GAS7: variants seen among roughly 807,000 people sequenced by gnomAD.
GAS7 encodes the protein growth arrest-specific protein 7.
A neutral mutation model predicts 71.1 loss-of-function variants in GAS7; 28 were observed. The ratio of observed to expected loss-of-function variants is 0.39; its 90% CI spans 0.29 to 0.54. The LOEUF is 0.54. Ranked by LOEUF, GAS7 falls within the 20% of genes least tolerant of loss-of-function variation. GAS7 has a pLI of 0.62. For missense variants in GAS7, 436 were observed against 627.8 expected, an observed-to-expected ratio of 0.69 and a Z score of 3.27; for synonymous variants, 258 against 245.8, an observed-to-expected ratio of 1.05 and a Z score of -0.46.
chr17:10,014,096 C>G (rs2071895788), intron 2 of GAS7, among the ~76,000 whole-genome samples: 1 of 152,170 alleles, frequency 6.6e-6, no homozygotes, highest in Non-Finnish European at 1.5e-5. Flanking sequence ...CAGAACGCAC[C>G]CCAGGGAACC....
intron 1 of GAS7, among the ~76,000 whole-genome samples, chr17:10,166,222 C>A (rs2074292987): frequency 6.6e-6 from 1 of 152,076 alleles, no homozygotes; most frequent in Non-Finnish European, 1.5e-5. Flanking sequence ...CAGGGTCTCA[C>A]TACGTTGCCC....
At chr17:10,098,142 C>T (rs1224348593) in intron 1 of GAS7, among the ~76,000 whole-genome samples, 1 of 152,192 alleles carries the variant, frequency 6.6e-6, no homozygotes, top group Non-Finnish European at 1.5e-5. Context: ...CCCCCATTCA[C>T]CTTATGCCAC....
intron 5 of GAS7, among the ~76,000 whole-genome samples, chr17:9,955,522 G>A (rs2069196061): frequency 6.6e-6 from 1 of 152,218 alleles, no homozygotes; most frequent in Admixed American, 6.5e-5. Flanking sequence ...TACAGATAAG[G>A]AAACTGAGGC....
rs149588577 is a variant in GAS7, at chr17:9,988,949, C to T, written c.305-7065G>A. ...CTGCAAGCTCCGCCTCCCAGGTTCC[C>T]GCCATTCTCCTGCCTCAGCCTCCTG... On this transcript the variant is annotated intron_variant, in intron 2 of 13. Transcript: ENST00000432992. 1.1e-3 allele frequency among the ~76,000 whole-genome samples: 166 copies of T among 151,748 alleles called. 3 individuals carry two copies. In the East Asian group the frequency reaches 0.017, roughly 15 times the overall value.
At chr17:10,102,751 G>GTT (rs142011191) in intron 1 of GAS7, among the ~76,000 whole-genome samples, 17 of 144,642 alleles carry the variant, frequency 1.2e-4, no homozygotes, top group East Asian at 4.1e-4. Flanking sequence ...CCCAGGCCCT[G>GTT]TTTTTTTTTT....
chr17:10,122,395 T>G (rs2073911921), intron 1 of GAS7, among the ~76,000 whole-genome samples: 1 of 152,214 alleles, frequency 6.6e-6, no homozygotes. Flanking sequence ...TCTAGGCACT[T>G]TCCCAGTCAG....
Position 10,178,925 on chromosome 17 carries a change from G to A in GAS7, c.183+19283C>T, listed in dbSNP as rs72810939. ...CTACAACCACCACCTTGGAGGATCC[G>A]ATTATACGGCCAGGACAGACAGGTG... On this transcript the variant is annotated intron_variant, in intron 1 of 13. Coordinates refer to ENST00000432992, the MANE Select transcript of GAS7 (RefSeq NM_201433.2). Among the ~76,000 whole-genome samples, 771 of 151,948 alleles carry A rather than the reference G, an allele frequency of 5.1e-3. 4 individuals carry two copies. Among genetic ancestry groups the A allele is most frequent in the Non-Finnish European group, 8.5e-3 (576 of 67,954 alleles).
At chr17:9,930,517 TG>T (rs1319566157) in intron 9 of GAS7, among the ~76,000 whole-genome samples, 2 of 152,246 alleles carry the variant, frequency 1.3e-5, no homozygotes, top group Non-Finnish European at 2.9e-5. Flanking sequence ...GAAGGAATTC[TG>T]CTCTTCTCCC....
rs142513546 is a variant in GAS7, at chr17:10,165,806, G to A, written c.183+32402C>T. ...CTGGAGGAAAGCCAGTGGCTCTCAG[G>A]ATCTGGAAACGGGACACTTGTGTGC... On this transcript the variant is annotated intron_variant, in intron 1 of 13. Transcript: ENST00000432992. Among the ~76,000 whole-genome samples, 123 of 152,188 alleles carry A rather than the reference G, an allele frequency of 8.1e-4. 1 individual carries two copies. Among genetic ancestry groups the A allele is most frequent in the African/African-American group, 2.8e-3 (116 of 41,532 alleles).
At chr17:10,159,129 C>A (rs12945085) in intron 1 of GAS7, among the ~76,000 whole-genome samples, 3 of 139,888 alleles carry the variant, frequency 2.1e-5, no homozygotes, top group Non-Finnish European at 4.6e-5. Flanking sequence ...ATGTGAGACC[C>A]CTACACGTTC....
intron 1 of GAS7, among the ~76,000 whole-genome samples, chr17:10,032,299 G>C (rs1218660203): frequency 6.6e-6 from 1 of 152,082 alleles, no homozygotes; most frequent in Non-Finnish European, 1.5e-5. Context: ...GATTAACAGA[G>C]ACATTTTATT....
intron 1 of GAS7, among the ~76,000 whole-genome samples, chr17:10,115,270 G>C (rs1489559754): frequency 6.6e-6 from 1 of 152,256 alleles, no homozygotes; most frequent in African/African-American, 2.4e-5. Context: ...GCAGAGGGAA[G>C]GACCAGGGAC....
intron 1 of GAS7, among the ~76,000 whole-genome samples, chr17:10,116,172 G>C (rs1276011602): frequency 1.3e-5 from 2 of 152,148 alleles, no homozygotes; most frequent in African/African-American, 4.8e-5. Flanking sequence ...TTAGCCGAGT[G>C]TGGTGGCGTG....
intron 1 of GAS7, among the ~76,000 whole-genome samples, chr17:10,045,739 A>C (rs893172029): frequency 1.3e-5 from 2 of 152,206 alleles, no homozygotes; most frequent in Admixed American, 1.3e-4. Context: ...CAGAAACGGC[A>C]CCCAGTTGAA....
intron 10 of GAS7, among the ~76,000 whole-genome samples, chr17:9,925,893 G>A (rs896776696): frequency 2.0e-5 from 3 of 152,138 alleles, no homozygotes; most frequent in African/African-American, 7.2e-5. Flanking sequence ...GACCTAGGCA[G>A]TCCTAAAGTC....
At position 10,034,315 on chromosome 17, in the gene GAS7, C is replaced by CTTTTT; in HGVS notation, c.184-14423_184-14419dup. Reference sequence around the variant, plus strand: ...ATATATAGCCTAATACTTAATAATTCTTTTTTTTTTTTTTAGACAGTCTTG... The same window carrying CTTTTT: ...ATATATAGCCTAATACTTAATAATTCTTTTTTTTTTTTTTTTTTTAGACAGTCTTG... On this transcript the variant is annotated intron_variant, in intron 1 of 13. Transcript: ENST00000432992. The surrounding 1 kb of genome is among the most constrained non-coding windows in gnomAD (Gnocchi z 4.4). The CTTTTT allele has an allele frequency of 2.0e-6, 1 of 488,584 alleles. No homozygotes were observed. Among genetic ancestry groups the CTTTTT allele is most frequent in the Non-Finnish European group, 2.6e-6 (1 of 380,406 alleles). 30.3% of individuals were successfully genotyped at this position (488,584 alleles called of 1,614,324 possible). A position where few individuals can be genotyped will look rare whatever the true frequency, so the allele number is the denominator to read the frequency against.
At chr17:10,114,257 A>C (rs550758520) in intron 1 of GAS7, among the ~76,000 whole-genome samples, 3 of 152,230 alleles carry the variant, frequency 2.0e-5, no homozygotes, top group East Asian at 1.9e-4. Flanking sequence ...ACTGGGAAGG[A>C]AGCCAGTGCC....
intron 1 of GAS7, among the ~76,000 whole-genome samples, chr17:10,130,099 G>A (rs2073984369): frequency 6.6e-6 from 1 of 151,690 alleles, no homozygotes; most frequent in Non-Finnish European, 1.5e-5. Context: ...GACCCGGGAG[G>A]TGGAGGTTGC....
chr17:10,139,942 T>C (rs1184108278), intron 1 of GAS7, among the ~76,000 whole-genome samples: 1 of 152,168 alleles, frequency 6.6e-6, no homozygotes, highest in Admixed American at 6.5e-5. Flanking sequence ...GGGCCCCAGA[T>C]TCTGCAGGAT....
Sources: gnomAD v4.1 joint callset for allele counts (sites outside exome capture counted in the v4.1 genomes callset) on GRCh38, gnomAD v4.1.1 for gene constraint, Gnocchi (gnomAD v3.1) non-coding constraint, MANE v1.5 for transcripts, NCBI Gene and HGNC (gene_info 2026-07-23, HGNC 2026-07-21) for gene names.